Variants in REEP3 observed in about 807,000 individuals in gnomAD.
REEP3 encodes receptor expression-enhancing protein 3.
REEP3 carries 20 observed loss-of-function variants against 41.3 expected under a neutral mutation model. The observed-to-expected ratio is 0.48, with a 90% CI of 0.34 to 0.70. REEP3 has a LOEUF of 0.70. Among genes scored for constraint, REEP3 ranks in the 30% least tolerant of loss-of-function variants. The pLI, the probability that REEP3 is intolerant of heterozygous loss-of-function variation, is 0.01. For synonymous variants in REEP3, 104 were observed against 101.8 expected (o/e 1.02, Z -0.13); for missense variants, 271 against 308.8 (o/e 0.88, Z 0.92).
chr10:63,576,548 C>T (rs1302782729), intron 2 of REEP3, among the ~76,000 whole-genome samples: 1 of 152,204 alleles, frequency 6.6e-6, no homozygotes, highest in African/African-American at 2.4e-5. Flanking sequence ...ACACCAGTCA[C>T]ATAACTTCAT....
chr10:63,547,810 T>G (rs1254774847), intron 1 of REEP3, among the ~76,000 whole-genome samples: 1 of 152,196 alleles, frequency 6.6e-6, no homozygotes, highest in Admixed American at 6.5e-5. Flanking sequence ...ACCTCTTTAT[T>G]AAGAGTTGGA....
At chr10:63,589,176 A>G (rs761093065) in intron 2 of REEP3, among the ~76,000 whole-genome samples, 11 of 152,306 alleles carry the variant, frequency 7.2e-5, no homozygotes, top group Non-Finnish European at 1.5e-4. Context: ...AATAGAGTCA[A>G]AAAAATGGAG....
At chr10:63,609,603 A>G (rs1174723063) in intron 5 of REEP3, among the ~76,000 whole-genome samples, 1 of 152,050 alleles carries the variant, frequency 6.6e-6, no homozygotes, top group Non-Finnish European at 1.5e-5. Context: ...TCTGTTAAAA[A>G]TACAAAAATT....
intron 1 of REEP3, among the ~76,000 whole-genome samples, chr10:63,551,050 G>A (rs1448977369): frequency 2.0e-5 from 3 of 152,126 alleles, no homozygotes; most frequent in Admixed American, 6.5e-5. Flanking sequence ...AGTAGTACAA[G>A]AATAGCTAGT....
chr10:63,604,897 C>T (rs1956209372), intron 5 of REEP3, among the ~76,000 whole-genome samples: 1 of 152,110 alleles, frequency 6.6e-6, no homozygotes, highest in Non-Finnish European at 1.5e-5. Context: ...ATTTCTAAAA[C>T]CCCTTATATC....
At chr10:63,565,885 TC>T (rs1955793203) in intron 1 of REEP3, among the ~76,000 whole-genome samples, 1 of 134,614 alleles carries the variant, frequency 7.4e-6, no homozygotes, top group South Asian at 2.2e-4. Flanking sequence ...ATTTAAATCA[TC>T]TTTTTTTTTT....
intron 1 of REEP3, among the ~76,000 whole-genome samples, chr10:63,534,935 C>T (rs2133344462): frequency 6.6e-6 from 1 of 152,262 alleles, no homozygotes; most frequent in Admixed American, 6.5e-5. Context: ...CCTTTGAGGT[C>T]TAAAATTATG....
chr10:63,606,382 GTCTT>G (rs1169272343), intron 5 of REEP3, among the ~76,000 whole-genome samples: 7 of 103,058 alleles, frequency 6.8e-5, no homozygotes, highest in Non-Finnish European at 1.2e-4. Context: ...CTTTCTTTCT[GTCTT>G]TCTTCTTTCC....
chr10:63,571,847 A>G (rs1353381541), intron 2 of REEP3, among the ~76,000 whole-genome samples: 4 of 152,316 alleles, frequency 2.6e-5, no homozygotes, highest in Non-Finnish European at 5.9e-5. Flanking sequence ...TGGATTGTAA[A>G]GACAGAATTG....
chr10:63,542,275 C>T (rs1221368835), intron 1 of REEP3, among the ~76,000 whole-genome samples: 1 of 151,998 alleles, frequency 6.6e-6, no homozygotes, highest in Non-Finnish European at 1.5e-5. Flanking sequence ...GACAGGGTTC[C>T]CATGCTGGCC....
At chr10:63,600,581 A>T (rs992982911) in intron 5 of REEP3, among the ~76,000 whole-genome samples, 19 of 152,330 alleles carry the variant, frequency 1.2e-4, no homozygotes, top group African/African-American at 4.3e-4. Flanking sequence ...TTTCTTGCTT[A>T]GTGAAAATGC....
chr10:63,556,610 G>T (rs1240030168), intron 1 of REEP3, among the ~76,000 whole-genome samples: 2 of 33,340 alleles, frequency 6.0e-5, no homozygotes. Context: ...TTTTCTGTTT[G>T]CTTGTTTTTT....
chr10:63,574,556 CAGT>C (rs1216681346), intron 2 of REEP3, among the ~76,000 whole-genome samples: 1 of 152,144 alleles, frequency 6.6e-6, no homozygotes, highest in African/African-American at 2.4e-5. Flanking sequence ...TTAAACATAA[CAGT>C]ACCTGTCATA....
chr10:63,577,171 C>A (rs1955905263), intron 2 of REEP3, among the ~76,000 whole-genome samples: 1 of 152,186 alleles, frequency 6.6e-6, no homozygotes, highest in African/African-American at 2.4e-5. Context: ...CAGCATCCTA[C>A]TAGGAGAATA....
chr10:63,554,498 G>A (rs900328753), intron 1 of REEP3, among the ~76,000 whole-genome samples: 1 of 152,180 alleles, frequency 6.6e-6, no homozygotes, highest in African/African-American at 2.4e-5. Flanking sequence ...ATGAAATACA[G>A]GTTTTCTTTG....
rs1339537584 is a variant in REEP3, at chr10:63,624,187, G to T, written c.*3318G>T. On this transcript the variant is annotated 3_prime_UTR_variant, in exon 8 of 8. Transcript: ENST00000373758. The stretch of plus-strand genomic sequence containing the variant: ...TTCTGTGTTTTCTTCTTTGTAAGTT[G>T]ACTCATTTGTGAAGCAATTAGGCAA... 3 of 151,936 alleles carry T rather than the reference G, an allele frequency of 2.0e-5. No homozygotes were observed. Among genetic ancestry groups the T allele is most frequent in the African/African-American group, 7.2e-5 (3 of 41,418 alleles). 9.4% of individuals were successfully genotyped at this position (151,936 alleles called of 1,614,324 possible). A position where few individuals can be genotyped will look rare whatever the true frequency, so the allele number is the denominator to read the frequency against.
intron 2 of REEP3, among the ~76,000 whole-genome samples, chr10:63,574,847 C>CT (rs56001048): frequency 0.011 from 676 of 58,954 alleles, 81 homozygotes; most frequent in African/African-American, 0.023. Context: ...AGGTCAATTT[C>CT]TTTTTTTTTT....
At position 63,545,523 on chromosome 10, in the gene REEP3, C is replaced by T. The variant is rs534505471; in HGVS notation, c.33-20815C>T. On this transcript the variant is annotated intron_variant, in intron 1 of 7. Coordinates refer to ENST00000373758, the MANE Select transcript of REEP3 (RefSeq NM_001001330.3). ...CCAAATAGCTGGGACTACAGGCACC[C>T]GCCACCATGCCCAGCTAATTTTTGC... Among the ~76,000 whole-genome samples, 49 of 151,678 alleles carry T rather than the reference C, an allele frequency of 3.2e-4. 1 individual carries two copies. The highest frequency in any genetic ancestry group is 1.1e-3 in the African/African-American group (45 of 41,336).
intron 6 of REEP3, 75 bp from the exon 7 acceptor site, chr10:63,619,580 A>T: frequency 1.5e-6 from 2 of 1,338,392 alleles, no homozygotes; most frequent in Non-Finnish European, 2.1e-6. Context: ...AAAGAACTGT[A>T]CACAGATGGG....
Sources: gnomAD v4.1 joint callset for allele counts (sites outside exome capture counted in the v4.1 genomes callset) on GRCh38, gnomAD v4.1.1 for gene constraint, MANE v1.5 for transcripts, NCBI Gene and HGNC (gene_info 2026-07-23, HGNC 2026-07-21) for gene names.